MUC12: variants seen among roughly 807,000 people sequenced by gnomAD.
MUC12 encodes mucin-12.
MUC12 carries 172 observed loss-of-function variants against 230.8 expected under a neutral mutation model. That is an observed-to-expected ratio of 0.75 (90% confidence interval 0.66 to 0.85). MUC12 has a LOEUF of 0.85. MUC12 is among the 40% of genes least tolerant of loss of function. MUC12 has a pLI of 0.00. For synonymous variants in MUC12, 1,259 were observed against 2,401.9 expected (o/e 0.52, Z 13.91); for missense variants, 3,506 against 5,920.6 (o/e 0.59, Z 13.38).
intron 8 of MUC12, 142 bp from the exon 9 acceptor site, chr7:101,013,771 G>C: frequency 1.0e-6 from 1 of 997,014 alleles, no homozygotes; most frequent in Non-Finnish European, 1.4e-6. Context: ...GGAAGTCAGG[G>C]ACCCAGGCTC....
At chr7:101,013,252 T>C in intron 8 of MUC12, 110 bp downstream of exon 8, 2 of 1,176,942 alleles carry the variant, frequency 1.7e-6, no homozygotes, top group Non-Finnish European at 2.4e-6. Context: ...GGGAGGTGCC[T>C]CCTCCCCACT....
chr7:100,995,765 C>T lies in MUC12; in HGVS notation c.5202C>T (p.Thr1734=), dbSNP rs767962380. The change falls in exon 2 of 12, where the codon ACC becomes ACT. Residue 1734 remains threonine (T), a synonymous_variant. Coordinates refer to ENST00000536621, the MANE Select transcript of MUC12 (RefSeq NM_001164462.2). ...CCCACTTTTCTGCCAGCTCCACAACCTTGGGCCGTAGTGAGGAATCGACAA... is the reference window on the plus strand; with the variant it reads ...CCCACTTTTCTGCCAGCTCCACAACTTTGGGCCGTAGTGAGGAATCGACAA... ...PTTHFSASST[T]LGRSEESTTV... is the part of the protein sequence containing the mutation. The T allele has an allele frequency of 9.1e-6, 14 of 1,532,220 alleles. No homozygotes were observed. The highest frequency in any genetic ancestry group is 1.2e-5 in the South Asian group (1 of 83,716). 94.9% of individuals were successfully genotyped at this position (1,532,220 alleles called of 1,614,324 possible).
intron 1 of MUC12, among the ~76,000 whole-genome samples, chr7:100,977,376 T>C (rs972101787): frequency 2.6e-5 from 4 of 152,054 alleles, no homozygotes; most frequent in Admixed American, 1.3e-4. Flanking sequence ...CTAGCTTTTT[T>C]TTTTTTTTGA....
At chr7:100,977,038 A>G (rs908609143) in intron 1 of MUC12, among the ~76,000 whole-genome samples, 6 of 121,228 alleles carry the variant, frequency 4.9e-5, no homozygotes, top group Admixed American at 2.2e-4. Flanking sequence ...GTGACAGACC[A>G]AGACTCCATC....
intron 3 of MUC12, among the ~76,000 whole-genome samples, chr7:101,008,337 G>C (rs1348139023): frequency 1.3e-5 from 2 of 151,154 alleles, no homozygotes; most frequent in African/African-American, 2.4e-5. Context: ...TGTTGCCCAG[G>C]TAGGTCTTCC....
At position 100,995,711 on chromosome 7, in the gene MUC12, C is replaced by T. The variant is rs1476081391; in HGVS notation, c.5148C>T (p.Ser1716=). 3 of 1,536,890 alleles carry T rather than the reference C, an allele frequency of 2.0e-6. No individual in the cohort carries two copies. Among genetic ancestry groups the T allele is most frequent in the South Asian group, 1.2e-5 (1 of 84,050 alleles). ...TSAFVELSTT[S]HGSPSSTPTT... is the part of the protein sequence containing the mutation. ...CCTTTGTTGAGCTATCTACAACCTC[C>T]CACGGCAGCCCGAGCTCAACTCCAA... The change falls in exon 2 of 12, where the codon TCC becomes TCT. Residue 1716 remains serine (S), a synonymous_variant. Coordinates refer to ENST00000536621, the MANE Select transcript of MUC12 (RefSeq NM_001164462.2).
chr7:100,972,895 A>C (rs546820562), intron 1 of MUC12: 4 of 702,890 alleles, frequency 5.7e-6, no homozygotes, highest in Non-Finnish European at 1.0e-5. Context: ...GGAGAAGCAG[A>C]CAGTCGAGCA....
At chr7:101,017,334 C>A (rs1162263514) in intron 10 of MUC12, 1 of 488,584 alleles carries the variant, frequency 2.0e-6, no homozygotes, top group East Asian at 3.5e-5. Context: ...GCTTCCACCC[C>A]GTGCATGTGG....
At chr7:100,977,701 T>C (rs769250643) in intron 1 of MUC12, among the ~76,000 whole-genome samples, 2 of 150,974 alleles carry the variant, frequency 1.3e-5, no homozygotes, top group Non-Finnish European at 3.0e-5. Flanking sequence ...ATCTCGTTAT[T>C]TAGAGGCTGG....
chr7:100,970,409 C>G (rs1792848054), intron 1 of MUC12, among the ~76,000 whole-genome samples: 1 of 151,322 alleles, frequency 6.6e-6, no homozygotes, highest in Non-Finnish European at 1.5e-5. Context: ...ATCACTGGAA[C>G]CTGGTAGGTG....
intron 9 of MUC12, 139 bp downstream of exon 9, chr7:101,014,213 A>C (rs1584848241): frequency 1.0e-6 from 1 of 1,000,268 alleles, no homozygotes; most frequent in South Asian, 2.0e-5. Context: ...GGGTGCCCAG[A>C]CCCTCCCAGC....
intron 1 of MUC12, among the ~76,000 whole-genome samples, chr7:100,978,345 C>A (rs142971627): frequency 6.6e-6 from 1 of 152,330 alleles, no homozygotes; most frequent in East Asian, 1.9e-4. Flanking sequence ...GGCTATCTAG[C>A]TCTTGTGTGG....
chr7:101,004,996 C>A lies in MUC12; in HGVS notation c.14433C>A (p.Gly4811=). The A allele has an allele frequency of 6.5e-7, 1 of 1,537,714 alleles. No homozygotes were observed. The highest frequency in any genetic ancestry group is 8.7e-7 in the Non-Finnish European group (1 of 1,147,036). Reference sequence around the variant, plus strand: ...CAACTGAGACAACACTGTCCCCTGGCAGCATCACAACTTCATCTTTTGCTC... The same window carrying A: ...CAACTGAGACAACACTGTCCCCTGGAAGCATCACAACTTCATCTTTTGCTC... ...PGSTETTLSP[G]SITTSSFAQE... The change falls in exon 2 of 12, where the codon GGC becomes GGA. Residue 4811 remains glycine (G), a synonymous_variant. Transcript: ENST00000536621.
chr7:101,004,482 C>A lies in MUC12; in HGVS notation c.13919C>A (p.Thr4640Lys), dbSNP rs924122732. 2 of 1,532,018 alleles carry A rather than the reference C, an allele frequency of 1.3e-6. No individual in the cohort carries two copies. The highest frequency in any genetic ancestry group is 1.7e-6 in the Non-Finnish European group (2 of 1,145,616). The allele number at this position is 1,532,018 out of a possible 1,614,324, so 94.9% of individuals were successfully genotyped here. A position where few individuals can be genotyped will look rare whatever the true frequency, so the allele number is the denominator to read the frequency against. ...ACTTCCCACAGCAGCACAACACACA[C>A]AATATCTTCACCTCCTAGCACCACA... ...SRTSHSSTTH[T>K]ISSPPSTTSA... The change falls in exon 2 of 12, where the codon ACA becomes AAA. Residue 4640 changes from threonine to lysine, a missense_variant. Coordinates refer to ENST00000536621, the MANE Select transcript of MUC12 (RefSeq NM_001164462.2).
chr7:101,013,779 C>A, intron 8 of MUC12, 134 bp from the exon 9 acceptor site: 1 of 1,088,442 alleles, frequency 9.2e-7, no homozygotes. Flanking sequence ...GGGACCCAGG[C>A]TCTCTGGGGG....
rs1462205850 is a variant in MUC12, at chr7:100,995,515, C to A, written c.4952C>A (p.Thr1651Asn). 1.9e-5 allele frequency: 29 copies of A among 1,535,938 alleles called. No homozygotes were observed. The highest frequency in any genetic ancestry group is 2.5e-5 in the Non-Finnish European group (29 of 1,146,882). ...GAAACAACACTCTTACCTGACAACA[C>A]CACAGCCTCAGGCCTCCTTGAAGCA... ...STETTLLPDN[T>N]TASGLLEAST... Residue 1651 changes from threonine (T) to asparagine (N), a missense_variant, in exon 2 of 12, where the codon ACC becomes AAC. Thr to Asn is a moderately conservative substitution (Grantham distance 65). Transcript: ENST00000536621.
chr7:100,973,886 C>G (rs1792965473), intron 1 of MUC12, among the ~76,000 whole-genome samples: 1 of 151,474 alleles, frequency 6.6e-6, no homozygotes, highest in Non-Finnish European at 1.5e-5. Context: ...GGGTGTGGTG[C>G]TCATGCCTGT....
At chr7:101,015,436 T>C (rs10229453) in intron 9 of MUC12, 179 bp from the exon 10 acceptor site, 312,678 of 601,926 alleles carry the variant, frequency 0.52, 82,356 homozygotes, top group East Asian at 0.6. Flanking sequence ...TGGCCAGTGC[T>C]TGCCTTGGTA....
chr7:101,015,756 T>C, intron 10 of MUC12, 65 bp downstream of exon 10: 1 of 1,425,642 alleles, frequency 7.0e-7, no homozygotes, highest in Admixed American at 2.0e-5. Context: ...GGGCGGTGCC[T>C]GTGCCTGTGG....
Sources: allele counts gnomAD v4.1 joint callset (sites outside exome capture counted in the v4.1 genomes callset), GRCh38; gene constraint gnomAD v4.1.1; transcripts MANE v1.5; gene names NCBI Gene and HGNC (gene_info 2026-07-23, HGNC 2026-07-21).